PLCL1: variants seen among roughly 807,000 people sequenced by gnomAD.
The protein encoded by PLCL1 is phospholipase C like 1 (inactive), also known as inactive phospholipase C-like protein 1.
In PLCL1, 41 loss-of-function variants were observed where a neutral mutation model predicts 84.4. The observed-to-expected ratio is 0.49, with a 90% CI of 0.38 to 0.63. The LOEUF (loss-of-function observed/expected upper bound fraction) is 0.63, where lower values mean the gene tolerates loss of function less well. PLCL1 is among the 30% of genes least tolerant of loss of function. The probability of loss-of-function intolerance (pLI) is 0.00; values close to 1 mark genes in which losing one functional copy is unlikely to be tolerated. For missense variants in PLCL1, 1,206 were observed against 1,367.8 expected (o/e 0.88, Z 1.87); for synonymous variants, 490 against 488.3 (o/e 1.00, Z -0.05).
intron 1 of PLCL1, among the ~76,000 whole-genome samples, chr2:197,996,154 G>A (rs898260161): frequency 1.3e-5 from 2 of 152,080 alleles, no homozygotes; most frequent in African/African-American, 4.8e-5. Context: ...GATGGAAGGA[G>A]ATGATGAATT....
At chr2:197,963,633 T>C (rs1689667712) in intron 1 of PLCL1, among the ~76,000 whole-genome samples, 1 of 152,152 alleles carries the variant, frequency 6.6e-6, no homozygotes, top group South Asian at 2.1e-4. Flanking sequence ...CCTTTGCTTG[T>C]AGGGTATTAA....
At chr2:198,129,990 T>A (rs990875339) in intron 5 of PLCL1, among the ~76,000 whole-genome samples, 2 of 152,008 alleles carry the variant, frequency 1.3e-5, no homozygotes, top group African/African-American at 4.8e-5. Flanking sequence ...CACTCCCTAC[T>A]TTTTATTTTT....
chr2:197,896,184 T>TTA (rs1341707070), intron 1 of PLCL1, among the ~76,000 whole-genome samples: 1 of 152,012 alleles, frequency 6.6e-6, no homozygotes, highest in Non-Finnish European at 1.5e-5. Flanking sequence ...TTATGTTCTG[T>TTA]TAATACTCTG....
At chr2:198,033,439 C>T (rs183841829) in intron 1 of PLCL1, among the ~76,000 whole-genome samples, 2 of 152,272 alleles carry the variant, frequency 1.3e-5, no homozygotes, top group Non-Finnish European at 2.9e-5. Flanking sequence ...GTGAGGGTAC[C>T]ATGAAGACGG....
At chr2:197,932,570 C>G (rs1559049128) in intron 1 of PLCL1, among the ~76,000 whole-genome samples, 1 of 152,094 alleles carries the variant, frequency 6.6e-6, no homozygotes, top group Admixed American at 6.6e-5. Context: ...CTCCCTGTGT[C>G]CATGTGTTTT....
intron 1 of PLCL1, among the ~76,000 whole-genome samples, chr2:198,082,150 A>C (rs1692728942): frequency 6.6e-6 from 1 of 152,228 alleles, no homozygotes; most frequent in South Asian, 2.1e-4. Context: ...CAGTTTATAA[A>C]GAACAGTCAC....
chr2:198,142,049 C>T (rs906978817), intron 5 of PLCL1, among the ~76,000 whole-genome samples: 3 of 151,956 alleles, frequency 2.0e-5, no homozygotes, highest in Non-Finnish European at 4.4e-5. Context: ...AGGGATAGTG[C>T]GGTTCATGGG....
intron 1 of PLCL1, among the ~76,000 whole-genome samples, chr2:198,031,659 CTT>C (rs5837577): frequency 0.03 from 3,085 of 103,764 alleles, 67 homozygotes; most frequent in African/African-American, 0.078. Context: ...ATGGCCAGTG[CTT>C]TTTTTTTTTT....
rs144487956 is a variant in PLCL1 at position 198,085,563 on chromosome 2, G to A, written c.2046G>A (p.Thr682=). 6 of 1,614,032 alleles carry A rather than the reference G, an allele frequency of 3.7e-6. No individual in the cohort carries two copies. The highest frequency in any genetic ancestry group is 1.3e-5 in the African/African-American group (1 of 75,016). Residue 682 remains threonine (T), a synonymous_variant, in exon 2 of 6, where the codon ACG becomes ACA. Coordinates refer to ENST00000428675, the MANE Select transcript of PLCL1 (RefSeq NM_006226.4). The surrounding 1 kb of genome is among the most constrained non-coding windows in gnomAD (Gnocchi z 5.3). ...QTPGPMMDLH[T]GWFLQNGGCG... ...CGGGTCCAATGATGGACCTTCACAC[G>A]GGCTGGTTTCTTCAAAACGGGGGAT... is the stretch of plus-strand genomic sequence containing the variant.
chr2:198,066,521 C>T (rs965898782), intron 1 of PLCL1, among the ~76,000 whole-genome samples: 3 of 152,204 alleles, frequency 2.0e-5, no homozygotes, highest in African/African-American at 7.2e-5. Context: ...ACTGGGAACT[C>T]TCTTGCAATC....
intron 1 of PLCL1, among the ~76,000 whole-genome samples, chr2:198,051,753 T>G (rs1559086634): frequency 6.6e-6 from 1 of 152,164 alleles, no homozygotes; most frequent in Non-Finnish European, 1.5e-5. Flanking sequence ...TTTATTTTAT[T>G]TAGACGGCGT....
intron 1 of PLCL1, among the ~76,000 whole-genome samples, chr2:197,950,704 T>C (rs1337182863): frequency 2.0e-5 from 3 of 152,172 alleles, no homozygotes. Flanking sequence ...AAAATATATT[T>C]TAATATTTTT....
intron 4 of PLCL1, among the ~76,000 whole-genome samples, chr2:198,102,065 T>G (rs1371657): frequency 0.54 from 82,087 of 151,874 alleles, 24,280 homozygotes; most frequent in East Asian, 0.81. Context: ...CATCTGAGAT[T>G]CTGAGAGACT....
chr2:198,043,316 A>T (rs745899), intron 1 of PLCL1, among the ~76,000 whole-genome samples: 68,729 of 152,042 alleles, frequency 0.45, 16,124 homozygotes, highest in Middle Eastern at 0.65. Context: ...CAGTTCAGAT[A>T]TTCCTCTGAA....
At chr2:197,935,725 C>T (rs1460563828) in intron 1 of PLCL1, among the ~76,000 whole-genome samples, 2 of 152,128 alleles carry the variant, frequency 1.3e-5, no homozygotes, top group Non-Finnish European at 2.9e-5. Context: ...CACAATTTAC[C>T]TATACAACAA....
chr2:197,941,503 G>A (rs1045430711), intron 1 of PLCL1, among the ~76,000 whole-genome samples: 8 of 152,168 alleles, frequency 5.3e-5, no homozygotes, highest in Non-Finnish European at 8.8e-5. Flanking sequence ...TGTTTCCCAG[G>A]CTGGTCTCGA....
At chr2:198,144,600 C>A (rs1694471459) in intron 5 of PLCL1, among the ~76,000 whole-genome samples, 2 of 152,082 alleles carry the variant, frequency 1.3e-5, no homozygotes, top group Admixed American at 1.3e-4. Flanking sequence ...TGTCTTTAAT[C>A]TTAGAACTGT....
chr2:197,869,786 ATC>A, intron 1 of PLCL1, among the ~76,000 whole-genome samples: 1 of 152,168 alleles, frequency 6.6e-6, no homozygotes, highest in East Asian at 1.9e-4. Context: ...ATCAATTTTT[ATC>A]TGTCATGTAA....
intron 1 of PLCL1, among the ~76,000 whole-genome samples, chr2:197,808,655 A>C (rs700665): frequency 0.5 from 76,089 of 152,010 alleles, 19,677 homozygotes; most frequent in African/African-American, 0.61. Context: ...AGTACATTTT[A>C]TATTAATCAA....
Sources: gnomAD v4.1 joint callset for allele counts (sites outside exome capture counted in the v4.1 genomes callset) on GRCh38, gnomAD v4.1.1 for gene constraint, Gnocchi (gnomAD v3.1) non-coding constraint, MANE v1.5 for transcripts, NCBI Gene and HGNC (gene_info 2026-07-23, HGNC 2026-07-21) for gene names.